NAALADL2: variants seen among roughly 807,000 people sequenced by gnomAD.
NAALADL2 encodes inactive N-acetylated-alpha-linked acidic dipeptidase-like protein 2.
NAALADL2 carries 76 observed loss-of-function variants against 87.2 expected under a neutral mutation model. The ratio of observed to expected loss-of-function variants is 0.87; its 90% CI spans 0.72 to 1.05. The LOEUF is 1.05. Ranked by LOEUF, NAALADL2 falls within the 50% of genes least tolerant of loss-of-function variation. NAALADL2 has a pLI of 0.00. For missense variants in NAALADL2, 1,089 were observed against 945.8 expected, an observed-to-expected ratio of 1.15 and a Z score of -1.99; for synonymous variants, 354 against 331.0, an observed-to-expected ratio of 1.07 and a Z score of -0.75.
chr3:174,741,818 C>G (rs1489328290), intron 3 of NAALADL2, among the ~76,000 whole-genome samples: 1 of 151,688 alleles, frequency 6.6e-6, no homozygotes, highest in African/African-American at 2.4e-5. Context: ...TCATTTAGTG[C>G]TTGATGCTGA....
intron 5 of NAALADL2, among the ~76,000 whole-genome samples, chr3:175,409,090 C>CT (rs1290855449): frequency 2.0e-5 from 3 of 151,774 alleles, no homozygotes; most frequent in Non-Finnish European, 2.9e-5. Flanking sequence ...TCTTAAATGA[C>CT]TTTTTTACAC....
intron 9 of NAALADL2, among the ~76,000 whole-genome samples, chr3:175,558,784 T>A (rs1269543584): frequency 6.6e-6 from 1 of 152,190 alleles, no homozygotes; most frequent in Non-Finnish European, 1.5e-5. Context: ...CTGATCTTTG[T>A]GTCTGTTTTT....
At chr3:175,408,961 G>C (rs1712942499) in intron 5 of NAALADL2, among the ~76,000 whole-genome samples, 1 of 151,680 alleles carries the variant, frequency 6.6e-6, no homozygotes, top group Non-Finnish European at 1.5e-5. Context: ...TCATTTTCTT[G>C]GGTTTTATTT....
chr3:175,095,104 A>G (rs1412131757), intron 1 of NAALADL2, among the ~76,000 whole-genome samples: 2 of 151,894 alleles, frequency 1.3e-5, no homozygotes, highest in African/African-American at 4.8e-5. Flanking sequence ...CATGTGCGCT[A>G]TCCTCAGCCA....
intron 1 of NAALADL2, among the ~76,000 whole-genome samples, chr3:174,990,599 T>G (rs889436086): frequency 1.3e-5 from 2 of 152,088 alleles, no homozygotes; most frequent in African/African-American, 4.8e-5. Context: ...GGAGGAACTT[T>G]TCAAAAGTCG....
intron 1 of NAALADL2, among the ~76,000 whole-genome samples, chr3:174,538,018 T>G (rs562525168): frequency 1.5e-3 from 234 of 152,156 alleles, no homozygotes; most frequent in African/African-American, 5.4e-3. Context: ...ACACAGAGGC[T>G]CTTAGTATTT....
chr3:174,469,097 C>G (rs1206191993), intron 1 of NAALADL2, among the ~76,000 whole-genome samples: 1 of 151,956 alleles, frequency 6.6e-6, no homozygotes, highest in Non-Finnish European at 1.5e-5. Flanking sequence ...TAAATAAAAG[C>G]CTTTAAGTTA....
intron 1 of NAALADL2, among the ~76,000 whole-genome samples, chr3:175,080,572 G>A (rs1422915278): frequency 6.6e-6 from 1 of 152,176 alleles, no homozygotes; most frequent in Non-Finnish European, 1.5e-5. Flanking sequence ...TTGGCAGTAT[G>A]AGTTTTATAT....
chr3:175,148,125 A>AAAT (rs150090554), intron 2 of NAALADL2, among the ~76,000 whole-genome samples: 4 of 138,106 alleles, frequency 2.9e-5, no homozygotes, highest in African/African-American at 1.0e-4. Context: ...AATAATAATA[A>AAAT]AATAATAATA....
intron 2 of NAALADL2, among the ~76,000 whole-genome samples, chr3:175,153,033 A>C (rs922714017): frequency 7.2e-5 from 11 of 152,160 alleles, no homozygotes; most frequent in Non-Finnish European, 1.5e-4. Flanking sequence ...AACTTCTAAC[A>C]TTGATATGCA....
intron 2 of NAALADL2, among the ~76,000 whole-genome samples, chr3:174,661,297 C>T (rs775387113): frequency 6.6e-6 from 1 of 152,040 alleles, no homozygotes; most frequent in African/African-American, 2.4e-5. Flanking sequence ...GAACTCATAA[C>T]TGCTCAGTAT....
chr3:175,350,472 G>A (rs999848404), intron 5 of NAALADL2, among the ~76,000 whole-genome samples: 1 of 152,118 alleles, frequency 6.6e-6, no homozygotes, highest in East Asian at 1.9e-4. Context: ...ACTCTGATGG[G>A]CAAACATGTT....
rs570347964 is a variant in NAALADL2, at chr3:175,808,806, T to G, written c.*5603T>G. On this transcript the variant is annotated 3_prime_UTR_variant, in exon 14 of 14. Transcript: ENST00000454872. ...TGTCGGTCTTTTGTTCTAATTAAAG[T>G]ACAAACGTGGCATCTGAATAGAAGC... 2 of 152,000 alleles carry G rather than the reference T, an allele frequency of 1.3e-5. No homozygotes were observed. Among genetic ancestry groups the G allele is most frequent in the Non-Finnish European group, 2.9e-5 (2 of 67,940 alleles). 9.4% of individuals were successfully genotyped at this position (152,000 alleles called of 1,614,324 possible).
At chr3:175,138,662 A>G (rs1484762258) in intron 2 of NAALADL2, among the ~76,000 whole-genome samples, 1 of 148,794 alleles carries the variant, frequency 6.7e-6, no homozygotes, top group East Asian at 2.0e-4. Flanking sequence ...GTATCTCTCT[A>G]TCTTATTCAG....
chr3:175,372,954 G>A (rs929903255), intron 5 of NAALADL2, among the ~76,000 whole-genome samples: 2 of 152,180 alleles, frequency 1.3e-5, no homozygotes, highest in Non-Finnish European at 2.9e-5. Context: ...ACAGGACATA[G>A]TATTACGTTT....
intron 5 of NAALADL2, among the ~76,000 whole-genome samples, chr3:175,389,607 C>T (rs947751859): frequency 5.3e-5 from 8 of 152,096 alleles, no homozygotes; most frequent in East Asian, 1.9e-4. Flanking sequence ...TTTGCATTTG[C>T]GTAAACAAGA....
At chr3:175,167,151 T>C (rs1265378647) in intron 2 of NAALADL2, among the ~76,000 whole-genome samples, 1 of 152,064 alleles carries the variant, frequency 6.6e-6, no homozygotes, top group African/African-American at 2.4e-5. Context: ...TTAGACTGTG[T>C]GAACCATACA....
chr3:174,626,848 G>A (rs1721627009), intron 2 of NAALADL2, among the ~76,000 whole-genome samples: 1 of 151,750 alleles, frequency 6.6e-6, no homozygotes, highest in African/African-American at 2.4e-5. Context: ...TTAGAATAAT[G>A]GTCTTAAGCA....
intron 5 of NAALADL2, among the ~76,000 whole-genome samples, chr3:175,342,505 CGTGTGT>C (rs35444340): frequency 1.4e-5 from 2 of 146,712 alleles, no homozygotes; most frequent in East Asian, 2.0e-4. Flanking sequence ...CCAAATATTG[CGTGTGT>C]GTGTGTGTGT....
Sources: allele counts gnomAD v4.1 joint callset (sites outside exome capture counted in the v4.1 genomes callset), GRCh38; gene constraint gnomAD v4.1.1; transcripts MANE v1.5; gene names NCBI Gene and HGNC (gene_info 2026-07-23, HGNC 2026-07-21).